Variants in PDE8A observed in about 807,000 individuals in gnomAD.
PDE8A encodes phosphodiesterase 8A, also known as high affinity cAMP-specific and IBMX-insensitive 3',5'-cyclic phosphodiesterase 8A.
In PDE8A, 59 loss-of-function variants were observed where a neutral mutation model predicts 105.0. The observed-to-expected ratio is 0.56, with a 90% CI of 0.46 to 0.70. The LOEUF is 0.70. Among genes scored for constraint, PDE8A ranks in the 30% least tolerant of loss-of-function variants. The pLI, the probability that PDE8A is intolerant of heterozygous loss-of-function variation, is 0.00. For synonymous variants in PDE8A, 355 were observed against 371.9 expected, an observed-to-expected ratio of 0.95 and a Z score of 0.52; for missense variants, 1,014 against 1,045.9, an observed-to-expected ratio of 0.97 and a Z score of 0.42.
intron 3 of PDE8A, among the ~76,000 whole-genome samples, chr15:85,071,880 T>C (rs1949619618): frequency 6.6e-6 from 1 of 152,184 alleles, no homozygotes; most frequent in Non-Finnish European, 1.5e-5. Context: ...GAAAATTATT[T>C]TTTATAAGAC....
intron 11 of PDE8A, among the ~76,000 whole-genome samples, chr15:85,102,383 A>G (rs114746158): frequency 6.6e-6 from 1 of 152,212 alleles, no homozygotes; most frequent in Admixed American, 6.5e-5. Context: ...ACCTGCAGAC[A>G]TGCAGTTTCA....
chr15:85,025,758 C>CT (rs1465717444), intron 1 of PDE8A, among the ~76,000 whole-genome samples: 1 of 152,182 alleles, frequency 6.6e-6, no homozygotes, highest in African/African-American at 2.4e-5. Flanking sequence ...GCACTGGAGT[C>CT]TTTAAGTGTC....
intron 8 of PDE8A, among the ~76,000 whole-genome samples, chr15:85,092,802 G>T (rs1393810496): frequency 6.6e-6 from 1 of 152,056 alleles, no homozygotes; most frequent in African/African-American, 2.4e-5. Context: ...GTGCTCTTGG[G>T]CACCAGGTAA....
At chr15:85,110,018 G>T (rs1034225886) in intron 12 of PDE8A, among the ~76,000 whole-genome samples, 1 of 152,200 alleles carries the variant, frequency 6.6e-6, no homozygotes, top group Non-Finnish European at 1.5e-5. Context: ...GTGGACTTCT[G>T]TGTTTCCATT....
At chr15:85,092,706 G>A (rs1484512010) in intron 8 of PDE8A, among the ~76,000 whole-genome samples, 1 of 152,084 alleles carries the variant, frequency 6.6e-6, no homozygotes, top group Non-Finnish European at 1.5e-5. Context: ...TCACTGAGGA[G>A]GCAAGTAGAG....
chr15:85,073,252 T>C (rs903086058), intron 3 of PDE8A, among the ~76,000 whole-genome samples: 1 of 152,222 alleles, frequency 6.6e-6, no homozygotes, highest in Admixed American at 6.5e-5. Context: ...TACATTTCAA[T>C]AATGCCAAGT....
At chr15:85,048,129 T>G (rs2080915936) in intron 1 of PDE8A, among the ~76,000 whole-genome samples, 1 of 152,168 alleles carries the variant, frequency 6.6e-6, no homozygotes, top group African/African-American at 2.4e-5. Context: ...TTTGCATATC[T>G]CTCTTTGATT....
intron 9 of PDE8A, among the ~76,000 whole-genome samples, chr15:85,098,240 C>T (rs2081794041): frequency 6.6e-6 from 1 of 152,222 alleles, no homozygotes; most frequent in Admixed American, 6.5e-5. Context: ...AGCCAACATA[C>T]TCTGGGCAGT....
chr15:85,124,552 A>C (rs368190630), intron 19 of PDE8A, among the ~76,000 whole-genome samples: 33 of 152,128 alleles, frequency 2.2e-4, no homozygotes, highest in African/African-American at 7.7e-4. Flanking sequence ...TACTTCTGCA[A>C]TTCATTTGTT....
At chr15:85,115,835 A>G in intron 15 of PDE8A, 149 bp from the exon 16 acceptor site, 1 of 663,144 alleles carries the variant, frequency 1.5e-6, no homozygotes, top group Non-Finnish European at 2.6e-6. Context: ...CAGGAGAATC[A>G]CTTGAACCCG....
intron 1 of PDE8A, among the ~76,000 whole-genome samples, chr15:84,984,716 A>G (rs1233090871): frequency 6.6e-6 from 1 of 152,220 alleles, no homozygotes; most frequent in Non-Finnish European, 1.5e-5. Flanking sequence ...GACTGTTAGT[A>G]TTGTATGAGA....
In PDE8A at chr15:85,138,010, C is replaced by T. The variant is rs184367399; in HGVS notation, c.*107C>T. 341 of 676,294 alleles carry T rather than the reference C, an allele frequency of 5.0e-4. 1 individual carries two copies. Among genetic ancestry groups the T allele is most frequent in the African/African-American group, 5.0e-3 (280 of 55,590 alleles). The allele number at this position is 676,294 out of a possible 1,614,324, so 41.9% of individuals were successfully genotyped here. ...TTTCAGTACTAGGCAGAACAGCCCC[C>T]GATCTGCATAGCCTGTGAAAGCCCA... is the stretch of plus-strand genomic sequence containing the variant. On this transcript the variant is annotated 3_prime_UTR_variant, in exon 22 of 22. Coordinates refer to ENST00000394553, the MANE Select transcript of PDE8A (RefSeq NM_002605.3).
At chr15:85,048,981 A>G (rs180916259) in intron 1 of PDE8A, among the ~76,000 whole-genome samples, 26 of 152,304 alleles carry the variant, frequency 1.7e-4, no homozygotes, top group Admixed American at 3.3e-4. Context: ...TCATGCCTGT[A>G]GTCCTGGCTA....
intron 1 of PDE8A, among the ~76,000 whole-genome samples, chr15:85,002,137 A>G (rs2080077144): frequency 6.6e-6 from 1 of 152,074 alleles, no homozygotes. Context: ...GTTCAATTCA[A>G]TTCTGACTGG....
chr15:85,068,265 C>G (rs2081261498), intron 3 of PDE8A, among the ~76,000 whole-genome samples: 1 of 152,070 alleles, frequency 6.6e-6, no homozygotes, highest in Non-Finnish European at 1.5e-5. Flanking sequence ...GTCTTGAACT[C>G]CTGACCCCAA....
At chr15:85,073,600 G>T (rs1246521136) in intron 3 of PDE8A, among the ~76,000 whole-genome samples, 1 of 152,214 alleles carries the variant, frequency 6.6e-6, no homozygotes, top group Non-Finnish European at 1.5e-5. Context: ...AAAGCTGAAA[G>T]CTGGTTTGAA....
chr15:85,098,623 G>A (rs1015218390), intron 9 of PDE8A, among the ~76,000 whole-genome samples: 1 of 152,116 alleles, frequency 6.6e-6, no homozygotes, highest in African/African-American at 2.4e-5. Flanking sequence ...TAGAAATGAT[G>A]ATCATATTCA....
intron 1 of PDE8A, among the ~76,000 whole-genome samples, chr15:85,058,377 A>G (rs188828003): frequency 3.3e-4 from 51 of 152,260 alleles, no homozygotes; most frequent in African/African-American, 1.2e-3. Context: ...GTGAGCTACC[A>G]CATCTGGCCC....
At chr15:85,136,402 G>C (rs998117568) in intron 20 of PDE8A, 132 bp from the exon 21 acceptor site, 78 of 813,442 alleles carry the variant, frequency 9.6e-5, no homozygotes, top group Admixed American at 4.8e-4. Context: ...GGCTGCGTGA[G>C]GTGGTGATTG....
Sources: allele counts gnomAD v4.1 joint callset (sites outside exome capture counted in the v4.1 genomes callset), GRCh38; gene constraint gnomAD v4.1.1; transcripts MANE v1.5; gene names NCBI Gene and HGNC (gene_info 2026-07-23, HGNC 2026-07-21).